CD70: variants seen among roughly 807,000 people sequenced by gnomAD.
CD70 encodes the protein CD70 antigen.
Under a neutral mutation model 9.0 loss-of-function variants are expected in CD70, and 6 were observed. The observed-to-expected ratio is 0.67, with a 90% confidence interval of 0.37 to 1.32. CD70 has a LOEUF of 1.32. CD70 is among the 40% of genes most tolerant of loss of function. CD70 has a pLI of 0.02. For missense variants in CD70, 235 were observed against 258.7 expected (o/e 0.91, Z 0.63); for synonymous variants, 108 against 112.3 (o/e 0.96, Z 0.24).
chr19:6,583,373 T>G, downstream of CD70: 1 of 702,164 alleles, frequency 1.4e-6, no homozygotes. Context: ...TTGTAGGGCT[T>G]GCATGAACAC....
intron 2 of CD70, among the ~76,000 whole-genome samples, chr19:6,588,110 G>C (rs1916068691): frequency 6.6e-6 from 1 of 152,146 alleles, no homozygotes; most frequent in Admixed American, 6.5e-5. Context: ...GGCTCTCCTG[G>C]AGACTGGCTA....
At chr19:6,587,022 G>A (rs752851079) in intron 2 of CD70, among the ~76,000 whole-genome samples, 2 of 151,660 alleles carry the variant, frequency 1.3e-5, no homozygotes, top group Non-Finnish European at 2.9e-5. Context: ...GAGAGAGGAC[G>A]AGAGTGCACG....
chr19:6,586,518 G>A (rs1916021946), intron 2 of CD70, 113 bp from the exon 3 acceptor site: 3 of 1,176,550 alleles, frequency 2.5e-6, no homozygotes, highest in Non-Finnish European at 3.5e-6. Flanking sequence ...CAAGGAATAG[G>A]TTGGACGTGG....
Position 6,586,331 on chromosome 19 carries a change from G to C in CD70, c.271C>G (p.Leu91Val), listed in dbSNP as rs779580459. 6.2e-7 allele frequency: 1 copy of C among 1,613,582 alleles called. No homozygotes were observed. ...TGGATACGTAGCTGCCCCTTGTCCA[G>C]CTCTGGTCCATGCAGGAAGGAGCGG... is the stretch of plus-strand genomic sequence containing the variant. ...LGRSFLHGPELDKGQLRIHRD... is the reference protein window; with the variant it reads ...LGRSFLHGPEVDKGQLRIHRD... The change falls in exon 3 of 3, where the codon CTG becomes GTG. Residue 91 changes from leucine to valine, a missense_variant. Coordinates refer to ENST00000245903, the MANE Select transcript of CD70 (RefSeq NM_001252.5).
chr19:6,584,626 G>A (rs941217655), downstream of CD70, among the ~76,000 whole-genome samples: 4 of 151,094 alleles, frequency 2.6e-5, no homozygotes, highest in Non-Finnish European at 4.4e-5. Context: ...TGGGGAGACC[G>A]AGGCGGGAAG....
downstream of CD70, among the ~76,000 whole-genome samples, chr19:6,581,770 T>C (rs375636283): frequency 1.4e-4 from 21 of 152,270 alleles, no homozygotes; most frequent in African/African-American, 4.8e-4. Flanking sequence ...TTGAGTATAA[T>C]GTCCTCAAAC....
chr19:6,587,343 TGA>T (rs1237648544), intron 2 of CD70, among the ~76,000 whole-genome samples: 4 of 147,628 alleles, frequency 2.7e-5, no homozygotes, highest in Non-Finnish European at 6.0e-5. Context: ...AGTGTGTGTG[TGA>T]GAGAGGACGA....
intron 2 of CD70, among the ~76,000 whole-genome samples, chr19:6,588,802 T>A (rs1005891004): frequency 2.0e-5 from 3 of 152,212 alleles, no homozygotes; most frequent in African/African-American, 7.2e-5. Context: ...CATGTTCGTT[T>A]TTATTTTTTT....
intron 2 of CD70, among the ~76,000 whole-genome samples, chr19:6,587,152 G>T (rs908347778): frequency 5.3e-5 from 8 of 150,548 alleles, no homozygotes; most frequent in African/African-American, 2.0e-4. Context: ...GAGAGCAGGA[G>T]AGAGTGCAAG....
chr19:6,585,297 T>C (rs545554704), downstream of CD70, among the ~76,000 whole-genome samples: 30 of 152,010 alleles, frequency 2.0e-4, 1 homozygote, highest in South Asian at 6.0e-3. Context: ...CCCAAAGTGA[T>C]CTTTGTGTTT....
chr19:6,589,204 T>C lies in CD70; in HGVS notation c.196+899A>G, dbSNP rs528870501. 6.6e-5 allele frequency among the ~76,000 whole-genome samples: 10 copies of C among 150,996 alleles called. No individual in the cohort carries two copies. The South Asian group carries it at 2.1e-3, about 32-fold the overall frequency. On this transcript the variant is annotated intron_variant, in intron 2 of 2. Transcript: ENST00000245903. ...CTTCTTCCCCCTCTCTGTCTCTGTCTCTTCCTCTCTGTTATTCTCCTTCTC... is the reference window on the plus strand; with the variant it reads ...CTTCTTCCCCCTCTCTGTCTCTGTCCCTTCCTCTCTGTTATTCTCCTTCTC...
rs749573582 is a variant in CD70, at chr19:6,586,370, C to A, written c.232G>T (p.Gly78Cys). The A allele has an allele frequency of 6.2e-7, 1 of 1,612,374 alleles. No individual in the cohort carries two copies. The highest frequency in any genetic ancestry group is 8.5e-7 in the Non-Finnish European group (1 of 1,179,740). ...AGGAAGGAGCGGCCCAGTGCTGGGC[C>A]CCCCTGCCAGTATAGCCTGGGGTCC... The part of the protein sequence containing the change: ...QQDPRLYWQG[G>C]PALGRSFLHG... Residue 78 changes from glycine to cysteine, a missense_variant, in exon 3 of 3, where the codon GGC becomes TGC. By Grantham distance (159) the Gly-to-Cys change is radical. Transcript: ENST00000245903.
At chr19:6,586,862 G>A (rs1916027692) in intron 2 of CD70, among the ~76,000 whole-genome samples, 2 of 138,538 alleles carry the variant, frequency 1.4e-5, no homozygotes, top group Admixed American at 1.5e-4. Context: ...AGGGGAAAGG[G>A]GTAGAGACAG....
At chr19:6,584,031 G>A (rs1202532157), downstream of CD70, among the ~76,000 whole-genome samples, 1 of 150,206 alleles carries the variant, frequency 6.7e-6, no homozygotes, top group Non-Finnish European at 1.5e-5. Flanking sequence ...GACCTCAGGC[G>A]ATCCGCCCAC....
chr19:6,589,288 CTTT>C (rs1470651792), intron 2 of CD70, among the ~76,000 whole-genome samples: 1 of 147,064 alleles, frequency 6.8e-6, no homozygotes, highest in African/African-American at 2.5e-5. Flanking sequence ...TCTCTTTCTT[CTTT>C]CTTTTTCCTT....
downstream of CD70, among the ~76,000 whole-genome samples, chr19:6,584,237 C>T (rs543945514): frequency 5.1e-4 from 77 of 150,812 alleles, no homozygotes; most frequent in Non-Finnish European, 7.8e-4. Flanking sequence ...GCGCTAGGCG[C>T]GGTGGCTCAC....
At chr19:6,584,144 T>TA (rs56703384), downstream of CD70, among the ~76,000 whole-genome samples, 85,928 of 133,484 alleles carry the variant, frequency 0.64, 28,893 homozygotes, top group East Asian at 0.76. Context: ...CTTCTCATTG[T>TA]AAAAAAAAAA....
At chr19:6,581,771 G>A (rs1599447656), downstream of CD70, among the ~76,000 whole-genome samples, 1 of 151,976 alleles carries the variant, frequency 6.6e-6, no homozygotes, top group Admixed American at 6.6e-5. Context: ...TGAGTATAAT[G>A]TCCTCAAACT....
At chr19:6,584,507 A>C (rs114850799), downstream of CD70, among the ~76,000 whole-genome samples, 57,533 of 150,974 alleles carry the variant, frequency 0.38, 11,198 homozygotes, top group East Asian at 0.68. Flanking sequence ...CTCCATCTCA[A>C]AAAAAAAGAT....
Sources: gnomAD v4.1 joint callset for allele counts (sites outside exome capture counted in the v4.1 genomes callset) on GRCh38, gnomAD v4.1.1 for gene constraint, MANE v1.5 for transcripts, NCBI Gene and HGNC (gene_info 2026-07-23, HGNC 2026-07-21) for gene names.